SELENOI: variants seen among roughly 807,000 people sequenced by gnomAD.
SELENOI encodes ethanolaminephosphotransferase 1.
Under a neutral mutation model 50.7 loss-of-function variants are expected in SELENOI, and 24 were observed. The observed-to-expected ratio is 0.47, with a 90% CI of 0.34 to 0.67. The LOEUF is 0.67. Ranked by LOEUF, SELENOI falls within the 30% of genes least tolerant of loss-of-function variation. The pLI, the probability that SELENOI is intolerant of heterozygous loss-of-function variation, is 0.01. For missense variants in SELENOI, 352 were observed against 461.4 expected (o/e 0.76, Z 2.17); for synonymous variants, 155 against 170.2 (o/e 0.91, Z 0.70).
chr2:26,380,961 G>T lies in SELENOI; in HGVS notation c.683-2338G>T, dbSNP rs1326992811. Among the ~76,000 whole-genome samples the T allele has an allele frequency of 4.0e-5, 6 of 151,354 alleles. No homozygotes were observed. In the East Asian group the frequency reaches 9.7e-4, roughly 24 times the overall value. The stretch of plus-strand genomic sequence containing the variant: ...CTCAAACAGATTTTTTTTTCTATAG[G>T]GTTGTTGGCCATTTCCTTTATTTTT... On this transcript the variant is annotated intron_variant, in intron 6 of 9. Coordinates refer to ENST00000260585, the MANE Select transcript of SELENOI (RefSeq NM_033505.4).
At position 26,389,260 on chromosome 2, in the gene SELENOI, T is replaced by C. The variant is rs1378515012; in HGVS notation, c.*157T>C. On this transcript the variant is annotated 3_prime_UTR_variant, in exon 10 of 10. Coordinates refer to ENST00000260585, the MANE Select transcript of SELENOI (RefSeq NM_033505.4). Reference sequence around the variant, plus strand: ...ACATATAATCTGAACTTGGGAAATTTTGGACCTACTAACTCTAAGCCTATT... The same window carrying C: ...ACATATAATCTGAACTTGGGAAATTCTGGACCTACTAACTCTAAGCCTATT... 3.3e-6 allele frequency: 2 copies of C among 605,054 alleles called. No homozygotes were observed. The highest frequency in any genetic ancestry group is 2.3e-5 in the South Asian group (1 of 43,810). The allele number at this position is 605,054 out of a possible 1,614,324, so 37.5% of individuals were successfully genotyped here.
At chr2:26,370,779 C>CAGGCGGG (rs1677408388) in intron 4 of SELENOI, among the ~76,000 whole-genome samples, 3 of 129,720 alleles carry the variant, frequency 2.3e-5, no homozygotes, top group Non-Finnish European at 5.1e-5. Context: ...GGCGGCTGGC[C>CAGGCGGG]GGGCAGAGGG....
At chr2:26,351,844 C>T (rs1006856996) in intron 1 of SELENOI, among the ~76,000 whole-genome samples, 3 of 152,156 alleles carry the variant, frequency 2.0e-5, no homozygotes, top group African/African-American at 4.8e-5. Flanking sequence ...TTATTTCCAT[C>T]TTTAACAAAT....
chr2:26,362,343 ATT>A (rs1677195937), intron 1 of SELENOI, among the ~76,000 whole-genome samples: 1 of 152,120 alleles, frequency 6.6e-6, no homozygotes, highest in African/African-American at 2.4e-5. Flanking sequence ...ACACTGATGT[ATT>A]TCTTCCATAT....
intron 6 of SELENOI, among the ~76,000 whole-genome samples, chr2:26,382,333 C>T (rs944422756): frequency 2.6e-5 from 4 of 151,986 alleles, no homozygotes; most frequent in East Asian, 1.9e-4. Context: ...AGATGGCTAG[C>T]GGAAACATAG....
intron 4 of SELENOI, among the ~76,000 whole-genome samples, chr2:26,371,609 G>C (rs1203795852): frequency 9.9e-5 from 15 of 152,064 alleles, no homozygotes; most frequent in Non-Finnish European, 1.9e-4. Context: ...CTGCAATCCC[G>C]GCACCTCGGG....
chr2:26,346,274 C>T lies in SELENOI; in HGVS notation c.42C>T (p.Gly14=). 6.2e-7 allele frequency: 1 copy of T among 1,613,542 alleles called. No homozygotes were observed. The highest frequency in any genetic ancestry group is 8.5e-7 in the Non-Finnish European group (1 of 1,179,572). The stretch of plus-strand genomic sequence containing the variant: ...ACGTGAGCCCGGAGCAGCTGGCTGG[C>T]TTTGATAAGTACAAGGTACCGCGGG... The part of the protein sequence containing the change: ...YEYVSPEQLA[G]FDKYKYSAVD... The change falls in exon 1 of 10, where the codon GGC becomes GGT. Residue 14 remains glycine (G), a synonymous_variant. Coordinates refer to ENST00000260585, the MANE Select transcript of SELENOI (RefSeq NM_033505.4).
At chr2:26,378,561 T>C (rs916752287) in intron 6 of SELENOI, among the ~76,000 whole-genome samples, 1 of 152,234 alleles carries the variant, frequency 6.6e-6, no homozygotes, top group African/African-American at 2.4e-5. Flanking sequence ...GAATCTATTA[T>C]CTGCTTCCAT....
Position 26,390,235 on chromosome 2 carries a change from C to T in SELENOI, c.*1132C>T, listed in dbSNP as rs1303004349. On this transcript the variant is annotated 3_prime_UTR_variant, in exon 10 of 10. Transcript: ENST00000260585. ...GGTTTACTGACAAACATAAAAATCC[C>T]TTTAATTGTAGTGTAGTTGTTCTAT... 3 of 152,116 alleles carry T rather than the reference C, an allele frequency of 2.0e-5. No homozygotes were observed. Among genetic ancestry groups the T allele is most frequent in the Non-Finnish European group, 4.4e-5 (3 of 67,976 alleles). The allele number at this position is 152,116 out of a possible 1,614,324, so 9.4% of individuals were successfully genotyped here.
At chr2:26,374,041 C>T (rs573302144) in intron 5 of SELENOI, among the ~76,000 whole-genome samples, 68 of 152,162 alleles carry the variant, frequency 4.5e-4, no homozygotes, top group African/African-American at 1.5e-3. Flanking sequence ...CATGAGCCAC[C>T]GTGCTCGACC....
At chr2:26,388,016 G>C (rs1035537403) in intron 9 of SELENOI, among the ~76,000 whole-genome samples, 2 of 152,148 alleles carry the variant, frequency 1.3e-5, no homozygotes, top group African/African-American at 4.8e-5. Context: ...TTCCCTTAGT[G>C]TTTCTCTACA....
At position 26,362,835 on chromosome 2, in the gene SELENOI, A is replaced by G. The variant is rs190417070; in HGVS notation, c.58-1467A>G. ...AAATTTCAGATGGATGAATTAGGTA[A>G]TCACCCAGGTAATACTGTGAACCCT... is the stretch of plus-strand genomic sequence containing the variant. On this transcript the variant is annotated intron_variant, in intron 1 of 9. Coordinates refer to ENST00000260585, the MANE Select transcript of SELENOI (RefSeq NM_033505.4). Among the ~76,000 whole-genome samples, 8 of 152,298 alleles carry G rather than the reference A, an allele frequency of 5.3e-5. No individual in the cohort carries two copies. In the East Asian group the frequency reaches 1.5e-3, roughly 29 times the overall value.
Position 26,385,047 on chromosome 2 carries a change from A to G in SELENOI, c.820A>G (p.Thr274Ala), listed in dbSNP as rs1448754805. 2.5e-6 allele frequency: 4 copies of G among 1,613,178 alleles called. No homozygotes were observed. Among genetic ancestry groups the G allele is most frequent in the Middle Eastern group, 1.7e-4 (1 of 6,054 alleles). Residue 274 changes from threonine to alanine, a missense_variant, in exon 8 of 10, where the codon ACA becomes GCA. Physicochemically the swap from Thr to Ala is moderately conservative, Grantham distance 58 (BLOSUM62 0). Coordinates refer to ENST00000260585, the MANE Select transcript of SELENOI (RefSeq NM_033505.4). ...TCCATGCTTGCTGTTCATTTTGTCT[A>G]CAGCGTGGATCCTTTGGTCACCTTC... is the stretch of plus-strand genomic sequence containing the variant. Reference protein sequence around the residue: ...FSPCLLFILSTAWILWSPSDI... With the variant: ...FSPCLLFILSAAWILWSPSDI...
chr2:26,361,901 G>T (rs549371250), intron 1 of SELENOI, among the ~76,000 whole-genome samples: 3 of 151,850 alleles, frequency 2.0e-5, no homozygotes, highest in South Asian at 2.1e-4. Flanking sequence ...CAAATGATCC[G>T]CCCGCCTCGG....
At chr2:26,368,868 A>G (rs1310462598) in intron 4 of SELENOI, among the ~76,000 whole-genome samples, 1 of 152,242 alleles carries the variant, frequency 6.6e-6, no homozygotes, top group Non-Finnish European at 1.5e-5. Flanking sequence ...ACTTCAGGGC[A>G]AAAACTTTCC....
chr2:26,346,274 C>G lies in SELENOI; in HGVS notation c.42C>G (p.Gly14=), dbSNP rs1458536750. The stretch of plus-strand genomic sequence containing the variant: ...ACGTGAGCCCGGAGCAGCTGGCTGG[C>G]TTTGATAAGTACAAGGTACCGCGGG... ...YEYVSPEQLA[G]FDKYKYSAVD... is the part of the protein sequence containing the mutation. The change falls in exon 1 of 10, where the codon GGC becomes GGG. Residue 14 remains glycine, a synonymous_variant. Transcript: ENST00000260585. The G allele has an allele frequency of 6.2e-6, 10 of 1,613,424 alleles. No individual in the cohort carries two copies. The highest frequency in any genetic ancestry group is 8.5e-6 in the Non-Finnish European group (10 of 1,179,580).
At chr2:26,370,238 A>G (rs900347629) in intron 4 of SELENOI, among the ~76,000 whole-genome samples, 3 of 151,812 alleles carry the variant, frequency 2.0e-5, no homozygotes, top group African/African-American at 7.3e-5. Flanking sequence ...AACAAAATGA[A>G]AAGTCTCCCA....
At chr2:26,365,483 G>C (rs1274620183) in intron 3 of SELENOI, among the ~76,000 whole-genome samples, 2 of 152,172 alleles carry the variant, frequency 1.3e-5, no homozygotes, top group African/African-American at 4.8e-5. Context: ...TCTTCACTCT[G>C]TTTCACACCC....
chr2:26,388,037 C>T (rs1424102464), intron 9 of SELENOI, among the ~76,000 whole-genome samples: 1 of 152,136 alleles, frequency 6.6e-6, no homozygotes, highest in Non-Finnish European at 1.5e-5. Context: ...AAGTTGCCCT[C>T]ATTTGTTAGA....
Sources: allele counts gnomAD v4.1 joint callset (sites outside exome capture counted in the v4.1 genomes callset), GRCh38; gene constraint gnomAD v4.1.1; transcripts MANE v1.5; gene names NCBI Gene and HGNC (gene_info 2026-07-23, HGNC 2026-07-21).